SLC25A30: variants seen among roughly 807,000 people sequenced by gnomAD.
The protein encoded by SLC25A30 is kidney mitochondrial carrier protein 1.
SLC25A30 carries 29 observed loss-of-function variants against 42.7 expected under a neutral mutation model. The ratio of observed to expected loss-of-function variants is 0.68; its 90% CI spans 0.51 to 0.93. The LOEUF (loss-of-function observed/expected upper bound fraction) is 0.93. SLC25A30 is among the 40% of genes least tolerant of loss of function. The pLI, the probability that SLC25A30 is intolerant of heterozygous loss-of-function variation, is 0.00. For synonymous variants in SLC25A30, 124 were observed against 131.0 expected (o/e 0.95, Z 0.37); for missense variants, 300 against 359.7 (o/e 0.83, Z 1.34).
the SLC25A30 span, among the ~76,000 whole-genome samples, chr13:45,424,815 T>TAAATATATAAAAATATATATATAA: frequency 8.5e-5 from 5 of 58,588 alleles, no homozygotes; most frequent in Admixed American, 3.2e-4. Flanking sequence ...TAAAAAAATA[T>TAAATATATAAAAATATATATATAA]AAATATATAA....
chr13:45,403,072 G>A (rs1882152009), intron 5 of SLC25A30, among the ~76,000 whole-genome samples: 1 of 152,138 alleles, frequency 6.6e-6, no homozygotes, highest in Admixed American at 6.5e-5. Flanking sequence ...ATTGCCACAC[G>A]AACGTGGGAA....
Position 45,402,379 on chromosome 13 carries a change from T to C in SLC25A30, c.394-9A>G. On this transcript the variant is annotated splice_polypyrimidine_tract_variant and intron_variant, in intron 5 of 9. Transcript: ENST00000519676. ...TGCGCTTGCATCCGAATCTAGAGATTATTTTAAAGACCAACATCAGAAAGA... is the reference window on the plus strand; with the variant it reads ...TGCGCTTGCATCCGAATCTAGAGATCATTTTAAAGACCAACATCAGAAAGA... 6.2e-7 allele frequency: 1 copy of C among 1,610,014 alleles called. No individual in the cohort carries two copies. Among genetic ancestry groups the C allele is most frequent in the South Asian group, 1.1e-5 (1 of 91,006 alleles).
chr13:45,401,431 A>T (rs1007489091), intron 6 of SLC25A30, among the ~76,000 whole-genome samples: 2 of 152,200 alleles, frequency 1.3e-5, no homozygotes, highest in African/African-American at 4.8e-5. Flanking sequence ...CTTGGGCCAG[A>T]CTTTGGCCAG....
At chr13:45,404,959 G>A (rs188726386) in intron 4 of SLC25A30, among the ~76,000 whole-genome samples, 3 of 152,262 alleles carry the variant, frequency 2.0e-5, no homozygotes, top group Non-Finnish European at 4.4e-5. Context: ...GTCTCACTCT[G>A]TTACCTAGGC....
the SLC25A30 span, among the ~76,000 whole-genome samples, chr13:45,423,578 AAAATATATATAAATATATATATATAT>A: frequency 1.3e-5 from 1 of 79,052 alleles, no homozygotes; most frequent in African/African-American, 4.2e-5. Context: ...AATATATATA[AAAATATATATAAATATATATATATAT>A]AAATATATAT....
intron 1 of SLC25A30, chr13:45,412,025 G>A (rs1176476791): frequency 7.1e-6 from 1 of 140,182 alleles, no homozygotes; most frequent in Non-Finnish European, 1.5e-5. Flanking sequence ...GGGGTGGGGT[G>A]GGGATCACAT....
rs903674099 is a variant in SLC25A30 at position 45,393,487 on chromosome 13, G to A, written c.*2487C>T. On this transcript the variant is annotated 3_prime_UTR_variant, in exon 10 of 10. Coordinates refer to ENST00000519676, the MANE Select transcript of SLC25A30 (RefSeq NM_001010875.4). ...ACATGAATAAATATAAAGGACAGGA[G>A]CCACTTTTTATATTATGAATCCACA... The A allele has an allele frequency of 2.0e-6, 2 of 984,742 alleles. No individual in the cohort carries two copies. The highest frequency in any genetic ancestry group is 1.2e-4 in the Admixed American group (2 of 16,250). The allele number at this position is 984,742 out of a possible 1,614,324, so 61.0% of individuals were successfully genotyped here.
chr13:45,424,664 G>T, the SLC25A30 span, among the ~76,000 whole-genome samples: 11,995 of 50,514 alleles, frequency 0.24, 3,086 homozygotes, highest in African/African-American at 0.37. Flanking sequence ...TAAATATATA[G>T]AAATATATAT....
At chr13:45,397,938 T>G in intron 8 of SLC25A30, 1 of 985,582 alleles carries the variant, frequency 1.0e-6, no homozygotes, top group Non-Finnish European at 1.2e-6. Context: ...TTCCGTGCCA[T>G]GTGGGCTCCT....
chr13:45,416,408 C>CAAAT (rs1255729059), intron 1 of SLC25A30, among the ~76,000 whole-genome samples: 2 of 151,232 alleles, frequency 1.3e-5, no homozygotes, highest in Admixed American at 6.6e-5. Context: ...AACTCCATCT[C>CAAAT]AAATAAATAA....
chr13:45,399,039 T>C lies in SLC25A30; in HGVS notation c.654A>G (p.Ser218=). 6 of 1,613,654 alleles carry C rather than the reference T, an allele frequency of 3.7e-6. No individual in the cohort carries two copies. The highest frequency in any genetic ancestry group is 5.1e-6 in the Non-Finnish European group (6 of 1,179,868). The change falls in exon 8 of 10, where the codon TCA becomes TCG. Residue 218 remains serine, a synonymous_variant. Coordinates refer to ENST00000519676, the MANE Select transcript of SLC25A30 (RefSeq NM_001010875.4). ...FTCGLAGALA[S]NPVDVVRTRM... The stretch of plus-strand genomic sequence containing the variant: ...GTGTCCTCACAACATCAACAGGGTT[T>C]GAGGCCAGGGCCCCTGCCAGACCAC...
At chr13:45,416,098 C>T (rs1883506430) in intron 1 of SLC25A30, among the ~76,000 whole-genome samples, 1 of 150,384 alleles carries the variant, frequency 6.6e-6, no homozygotes, top group Admixed American at 6.6e-5. Flanking sequence ...GCGCCCGGTC[C>T]AAATTTTTTA....
intron 8 of SLC25A30, 38 bp from the exon 9 acceptor site, chr13:45,397,376 C>T (rs1593596338): frequency 7.0e-7 from 1 of 1,425,896 alleles, no homozygotes; most frequent in Non-Finnish European, 9.8e-7. Context: ...TTCCAACTTT[C>T]TAATTATGCC....
chr13:45,395,260 G>A lies in SLC25A30; in HGVS notation c.*714C>T. On this transcript the variant is annotated 3_prime_UTR_variant, in exon 10 of 10. Coordinates refer to ENST00000519676, the MANE Select transcript of SLC25A30 (RefSeq NM_001010875.4). ...ACCTAAGACAGAACCTAAGCTGCTT[G>A]AAAACACCCCCCACCAATACAGACC... is the stretch of plus-strand genomic sequence containing the variant. 1.0e-6 allele frequency: 1 copy of A among 985,574 alleles called. No individual in the cohort carries two copies. The allele number at this position is 985,574 out of a possible 1,614,324, so 61.1% of individuals were successfully genotyped here. A position where few individuals can be genotyped will look rare whatever the true frequency, so the allele number is the denominator to read the frequency against.
chr13:45,426,734 A>G, the SLC25A30 span, among the ~76,000 whole-genome samples: 1 of 152,168 alleles, frequency 6.6e-6, no homozygotes, highest in Non-Finnish European at 1.5e-5. Context: ...TCTTAATACA[A>G]TCAGTACAAT....
chr13:45,397,103 C>G (rs1881418847), intron 9 of SLC25A30, 155 bp downstream of exon 9: 1 of 629,442 alleles, frequency 1.6e-6, no homozygotes, highest in Admixed American at 3.0e-5. Context: ...CTTTACACTT[C>G]CTAAAAAAGA....
At chr13:45,432,709 TA>T in the SLC25A30 span, among the ~76,000 whole-genome samples, 114 of 130,194 alleles carry the variant, frequency 8.8e-4, no homozygotes, top group African/African-American at 8.5e-4. Context: ...TATAGGACAC[TA>T]AAAAAAAAAA....
chr13:45,402,380 A>G lies in SLC25A30; in HGVS notation c.394-10T>C. 1.9e-6 allele frequency: 3 copies of G among 1,609,468 alleles called. No individual in the cohort carries two copies. The highest frequency in any genetic ancestry group is 2.6e-6 in the Non-Finnish European group (3 of 1,175,916). On this transcript the variant is annotated splice_polypyrimidine_tract_variant and intron_variant, in intron 5 of 9. Transcript: ENST00000519676. ...GCGCTTGCATCCGAATCTAGAGATT[A>G]TTTTAAAGACCAACATCAGAAAGAA...
chr13:45,420,450 G>T (rs1883864644), upstream of SLC25A30: 1 of 152,242 alleles, frequency 6.6e-6, no homozygotes, highest in African/African-American at 2.4e-5. Flanking sequence ...GCCTTTCTAG[G>T]GCAGGGAAAT....
Sources: allele counts gnomAD v4.1 joint callset (sites outside exome capture counted in the v4.1 genomes callset), GRCh38; gene constraint gnomAD v4.1.1; transcripts MANE v1.5; gene names NCBI Gene and HGNC (gene_info 2026-07-23, HGNC 2026-07-21).